C1orf74: variants seen among roughly 807,000 people sequenced by gnomAD.
C1orf74 encodes the protein chromosome 1 open reading frame 74.
C1orf74 carries 5 observed loss-of-function variants against 7.3 expected under a neutral mutation model. The ratio of observed to expected loss-of-function variants is 0.68; its 90% CI spans 0.36 to 1.44. The LOEUF is 1.44. C1orf74 is among the 40% of genes most tolerant of loss of function. C1orf74 has a pLI of 0.04. For synonymous variants in C1orf74, 121 were observed against 132.5 expected (o/e 0.91, Z 0.59); for missense variants, 291 against 314.3 (o/e 0.93, Z 0.56).
rs950365189 is a variant in C1orf74, at chr1:209,781,091, C to A, written c.*1734G>T. The stretch of plus-strand genomic sequence containing the variant: ...GTCTCTCATTTGCAAAGCACTTGCA[C>A]GTAAAGTCATATAAAAGAACTTAAA... On this transcript the variant is annotated 3_prime_UTR_variant, in exon 2 of 2. Coordinates refer to ENST00000294811, the MANE Select transcript of C1orf74 (RefSeq NM_152485.4). 2 of 241,906 alleles carry A rather than the reference C, an allele frequency of 8.3e-6. No homozygotes were observed. Among genetic ancestry groups the A allele is most frequent in the Non-Finnish European group, 1.6e-5 (2 of 123,190 alleles). 15.0% of individuals were successfully genotyped at this position (241,906 alleles called of 1,614,324 possible).
Position 209,783,298 on chromosome 1 carries a change from C to T in C1orf74, c.337G>A (p.Ala113Thr). ...HLEQVLLGTIAFVDVSSCQRH... is the reference protein window; with the variant it reads ...HLEQVLLGTITFVDVSSCQRH... ...TGGCAGCTGGAAACATCCACAAAGG[C>T]TATGGTACCAAGCAGCACCTGCTCC... Residue 113 changes from alanine to threonine, a missense_variant, in exon 2 of 2, where the codon GCC (alanine) becomes ACC (threonine). Coordinates refer to ENST00000294811, the MANE Select transcript of C1orf74 (RefSeq NM_152485.4). 6.2e-7 allele frequency: 1 copy of T among 1,614,172 alleles called. No homozygotes were observed. The highest frequency in any genetic ancestry group is 8.5e-7 in the Non-Finnish European group (1 of 1,180,028).
rs959718968 is a variant in C1orf74, at chr1:209,781,242, G to A, written c.*1583C>T. Reference sequence around the variant, plus strand: ...GAATGGCTGGGAAGGGAAGATGGTGGTAAAAATTCCAAATGAGTGAAACTT... The same window carrying A: ...GAATGGCTGGGAAGGGAAGATGGTGATAAAAATTCCAAATGAGTGAAACTT... On this transcript the variant is annotated 3_prime_UTR_variant, in exon 2 of 2. Transcript: ENST00000294811. 1.4e-6 allele frequency: 1 copy of A among 699,706 alleles called. No homozygotes were observed. The highest frequency in any genetic ancestry group is 1.8e-5 in the African/African-American group (1 of 56,850). 43.3% of individuals were successfully genotyped at this position (699,706 alleles called of 1,614,324 possible).
Position 209,780,312 on chromosome 1 carries a change from TG to T in C1orf74, c.*2512del. The T allele has an allele frequency of 1.7e-6, 1 of 574,138 alleles. No homozygotes were observed. The highest frequency in any genetic ancestry group is 2.8e-6 in the Non-Finnish European group (1 of 362,516). The allele number at this position is 574,138 out of a possible 1,614,324, so 35.6% of individuals were successfully genotyped here. On this transcript the variant is annotated 3_prime_UTR_variant, in exon 2 of 2. Coordinates refer to ENST00000294811, the MANE Select transcript of C1orf74 (RefSeq NM_152485.4). Reference sequence around the variant, plus strand: ...CTGTCCAAGCTTAGCAGGGGCCTACTGGAAGTTAACCTTTATGTCAGAGAAT... The same window carrying T: ...CTGTCCAAGCTTAGCAGGGGCCTACTGAAGTTAACCTTTATGTCAGAGAAT...
Position 209,779,486 on chromosome 1 carries a change from G to A in C1orf74, c.*3339C>T, listed in dbSNP as rs2077731749. The A allele has an allele frequency of 1.1e-6, 1 of 899,236 alleles. No individual in the cohort carries two copies. The highest frequency in any genetic ancestry group is 1.4e-5 in the South Asian group (1 of 73,350). 55.7% of individuals were successfully genotyped at this position (899,236 alleles called of 1,614,324 possible). A position where few individuals can be genotyped will look rare whatever the true frequency, so the allele number is the denominator to read the frequency against. ...GAGTCCCAGCCAGTTCTGGGAGTCTGTTAAGTCCGGGATGTGTGGGAGCTT... is the reference window on the plus strand; with the variant it reads ...GAGTCCCAGCCAGTTCTGGGAGTCTATTAAGTCCGGGATGTGTGGGAGCTT... On this transcript the variant is annotated 3_prime_UTR_variant, in exon 2 of 2. Transcript: ENST00000294811.
At position 209,782,679 on chromosome 1, in the gene C1orf74, C is replaced by T; in HGVS notation, c.*146G>A. The T allele has an allele frequency of 1.2e-6, 1 of 829,796 alleles. No individual in the cohort carries two copies. Among genetic ancestry groups the T allele is most frequent in the Non-Finnish European group, 1.9e-6 (1 of 522,586 alleles). 51.4% of individuals were successfully genotyped at this position (829,796 alleles called of 1,614,324 possible). ...CACCACCATTACCTATTTACATGCCCTTTGCATTTGTGGCCAACTGATCTA... is the reference window on the plus strand; with the variant it reads ...CACCACCATTACCTATTTACATGCCTTTTGCATTTGTGGCCAACTGATCTA... On this transcript the variant is annotated 3_prime_UTR_variant, in exon 2 of 2. Coordinates refer to ENST00000294811, the MANE Select transcript of C1orf74 (RefSeq NM_152485.4).
chr1:209,779,390 A>C lies in C1orf74; in HGVS notation c.*3435T>G, dbSNP rs771720041. The C allele has an allele frequency of 1.2e-6, 2 of 1,608,740 alleles. No homozygotes were observed. Among genetic ancestry groups the C allele is most frequent in the Non-Finnish European group, 1.7e-6 (2 of 1,175,056 alleles). ...ACAAAGAAAGGTCAGCAAATTTATTACCACAAATTCTAAGATATTGCTCTT... is the reference window on the plus strand; with the variant it reads ...ACAAAGAAAGGTCAGCAAATTTATTCCCACAAATTCTAAGATATTGCTCTT... On this transcript the variant is annotated 3_prime_UTR_variant, in exon 2 of 2. Transcript: ENST00000294811.
In C1orf74 at chr1:209,780,732, T is replaced by A; in HGVS notation, c.*2093A>T. 3 of 893,880 alleles carry A rather than the reference T, an allele frequency of 3.4e-6. No homozygotes were observed. The highest frequency in any genetic ancestry group is 4.6e-6 in the Non-Finnish European group (3 of 656,004). The allele number at this position is 893,880 out of a possible 1,614,324, so 55.4% of individuals were successfully genotyped here. A position where few individuals can be genotyped will look rare whatever the true frequency, so the allele number is the denominator to read the frequency against. On this transcript the variant is annotated 3_prime_UTR_variant, in exon 2 of 2. Coordinates refer to ENST00000294811, the MANE Select transcript of C1orf74 (RefSeq NM_152485.4). Reference sequence around the variant, plus strand: ...GGATAACCACAGACATTCATTTGCCTACATAAAGTGTCTGTGCTTTTGGGC... The same window carrying A: ...GGATAACCACAGACATTCATTTGCCAACATAAAGTGTCTGTGCTTTTGGGC...
chr1:209,781,405 A>T lies in C1orf74; in HGVS notation c.*1420T>A. 1.9e-6 allele frequency: 3 copies of T among 1,613,806 alleles called. No individual in the cohort carries two copies. Among genetic ancestry groups the T allele is most frequent in the Non-Finnish European group, 2.5e-6 (3 of 1,179,782 alleles). ...TGACGAGTATCTCTCCTGCCTGCGT[A>T]AGCTGCAGCACTGTCGAGAAGAGCT... On this transcript the variant is annotated 3_prime_UTR_variant, in exon 2 of 2. Transcript: ENST00000294811.
In C1orf74 at chr1:209,780,725, A is replaced by G; in HGVS notation, c.*2100T>C. 1.1e-6 allele frequency: 1 copy of G among 946,296 alleles called. No individual in the cohort carries two copies. The highest frequency in any genetic ancestry group is 1.4e-6 in the Non-Finnish European group (1 of 699,958). 58.6% of individuals were successfully genotyped at this position (946,296 alleles called of 1,614,324 possible). A position where few individuals can be genotyped will look rare whatever the true frequency, so the allele number is the denominator to read the frequency against. ...TGTGAGTGGATAACCACAGACATTC[A>G]TTTGCCTACATAAAGTGTCTGTGCT... On this transcript the variant is annotated 3_prime_UTR_variant, in exon 2 of 2. Transcript: ENST00000294811.
chr1:209,782,867 G>A lies in C1orf74; in HGVS notation c.768C>T (p.Ser256=), dbSNP rs765387477. The change falls in exon 2 of 2, where the codon AGC becomes AGT. Residue 256 remains serine (S), a synonymous_variant. Transcript: ENST00000294811. ...GCAGTGTGACTATCTCAGAGGAGAT[G>A]CTGAGATCAGCAAAGTCATTCTGAG... ...FRTQNDFADL[S]ISSEIVTLPA... 1.5e-5 allele frequency: 25 copies of A among 1,614,036 alleles called. No individual in the cohort carries two copies. Among genetic ancestry groups the A allele is most frequent in the Non-Finnish European group, 1.9e-5 (22 of 1,180,030 alleles).
Position 209,780,260 on chromosome 1 carries a change from C to T in C1orf74, c.*2565G>A. On this transcript the variant is annotated 3_prime_UTR_variant, in exon 2 of 2. Transcript: ENST00000294811. ...ATACAAAGAAAAGATCCCAATCTTG[C>T]CCTCAAGGAGCTCAGATTCCAGCTG... 5.2e-6 allele frequency: 2 copies of T among 382,208 alleles called. No homozygotes were observed. The highest frequency in any genetic ancestry group is 1.8e-4 in the South Asian group (2 of 11,298). The allele number at this position is 382,208 out of a possible 1,614,324, so 23.7% of individuals were successfully genotyped here. A position where few individuals can be genotyped will look rare whatever the true frequency, so the allele number is the denominator to read the frequency against.
chr1:209,784,510 G>A lies in C1orf74; in HGVS notation c.-208C>T, dbSNP rs905169340. 6.6e-6 allele frequency: 1 copy of A among 152,268 alleles called. No homozygotes were observed. Among genetic ancestry groups the A allele is most frequent in the Non-Finnish European group, 1.5e-5 (1 of 68,052 alleles). 9.4% of individuals were successfully genotyped at this position (152,268 alleles called of 1,614,324 possible). ...CTGGAAAACCCGCCTGCGCTGGGAA[G>A]ACCCTCGCAGCCCGCTCTGCTCCAG... On this transcript the variant is annotated 5_prime_UTR_variant, in exon 1 of 2. Coordinates refer to ENST00000294811, the MANE Select transcript of C1orf74 (RefSeq NM_152485.4).
chr1:209,782,066 G>A lies in C1orf74; in HGVS notation c.*759C>T, dbSNP rs546229553. The A allele has an allele frequency of 6.2e-7, 1 of 1,613,980 alleles. No homozygotes were observed. Among genetic ancestry groups the A allele is most frequent in the East Asian group, 2.2e-5 (1 of 44,886 alleles). On this transcript the variant is annotated 3_prime_UTR_variant, in exon 2 of 2. Coordinates refer to ENST00000294811, the MANE Select transcript of C1orf74 (RefSeq NM_152485.4). ...CCTGTCCCCCTACAGAGGCAATGTG[G>A]GCGATGGCTCCCAGTGCTGATGGTG...
chr1:209,783,644 C>A lies in C1orf74; in HGVS notation c.-10G>T. ...GATCTAGAAGCAACATCAAGAATGG[C>A]CTCCTTAGCTAGCCCGAGTTCCCTT... On this transcript the variant is annotated 5_prime_UTR_variant, in exon 2 of 2. Coordinates refer to ENST00000294811, the MANE Select transcript of C1orf74 (RefSeq NM_152485.4). The A allele has an allele frequency of 1.3e-6, 2 of 1,563,512 alleles. No individual in the cohort carries two copies. Among genetic ancestry groups the A allele is most frequent in the South Asian group, 1.2e-5 (1 of 83,906 alleles).
In C1orf74 at chr1:209,783,206, G is replaced by A; in HGVS notation, c.429C>T (p.Ile143=). 1 of 1,614,158 alleles carries A rather than the reference G, an allele frequency of 6.2e-7. No individual in the cohort carries two copies. The highest frequency in any genetic ancestry group is 1.3e-5 in the African/African-American group (1 of 75,038). Residue 143 remains isoleucine, a synonymous_variant, in exon 2 of 2, where the codon ATC becomes ATT. Transcript: ENST00000294811. The part of the protein sequence containing the change: ...QDLKALVAEI[I]THLQGLQRDL... ...CCCTCTGCAGCCCCTGCAAATGTGT[G>A]ATGATCTCAGCCACGAGGGCCTTCA... is the stretch of plus-strand genomic sequence containing the variant.
In C1orf74 at chr1:209,784,545, C is replaced by G. The variant is rs770149340; in HGVS notation, c.-243G>C. The G allele has an allele frequency of 9.8e-5, 15 of 152,424 alleles. No homozygotes were observed. Among genetic ancestry groups the G allele is most frequent in the Non-Finnish European group, 1.9e-4 (13 of 68,078 alleles). The allele number at this position is 152,424 out of a possible 1,614,324, so 9.4% of individuals were successfully genotyped here. The stretch of plus-strand genomic sequence containing the variant: ...GCCCGCTCTGCTCCAGTCCCGCAGG[C>G]ACCTTCTTGCGCATGCGCACCCACT... On this transcript the variant is annotated 5_prime_UTR_variant, in exon 1 of 2. Coordinates refer to ENST00000294811, the MANE Select transcript of C1orf74 (RefSeq NM_152485.4).
chr1:209,781,148 C>T lies in C1orf74; in HGVS notation c.*1677G>A. The T allele has an allele frequency of 2.4e-6, 1 of 417,954 alleles. No homozygotes were observed. The highest frequency in any genetic ancestry group is 3.0e-5 in the South Asian group (1 of 33,330). 25.9% of individuals were successfully genotyped at this position (417,954 alleles called of 1,614,324 possible). ...AAATGTAATACTATAATATGCATTA[C>T]TGTCAATCATTTAAATGAACACATT... On this transcript the variant is annotated 3_prime_UTR_variant, in exon 2 of 2. Transcript: ENST00000294811.
rs2077812921 is a variant in C1orf74, at chr1:209,783,598, G to A, written c.37C>T (p.Gln13Ter). 8 of 1,608,888 alleles carry A rather than the reference G, an allele frequency of 5.0e-6. No individual in the cohort carries two copies. Among genetic ancestry groups the A allele is most frequent in the Non-Finnish European group, 6.8e-6 (8 of 1,177,786 alleles). ...LLDLMSSPSP[Q>*]LLVAAAQQTL... ...TGCTGAGCAGCTGCCACCAGCAGCT[G>A]AGGGCTCGGTGATGACATGAGATCT... Residue 13 changes from glutamine (Q) to a stop codon, truncating the protein, a stop_gained, in exon 2 of 2, where the codon CAG becomes TAG. Transcript: ENST00000294811. LOFTEE classifies it low-confidence loss of function (END_TRUNC).
At chr1:209,784,081 T>A (rs1571975375) in intron 1 of C1orf74, among the ~76,000 whole-genome samples, 1 of 152,132 alleles carries the variant, frequency 6.6e-6, no homozygotes, top group Non-Finnish European at 1.5e-5. Context: ...TCCAAATGTA[T>A]CCTTTCCACT....
Sources: allele counts gnomAD v4.1 joint callset (sites outside exome capture counted in the v4.1 genomes callset), GRCh38; gene constraint gnomAD v4.1.1; transcripts MANE v1.5; gene names NCBI Gene and HGNC (gene_info 2026-07-23, HGNC 2026-07-21).